The following THSD7B variants were observed in gnomAD, a reference collection of about 807,000 sequenced individuals.
THSD7B encodes the protein thrombospondin type-1 domain-containing protein 7B.
In THSD7B, 138 loss-of-function variants were observed where a neutral mutation model predicts 213.6. The observed-to-expected ratio is 0.65, with a 90% CI of 0.56 to 0.74. The LOEUF (loss-of-function observed/expected upper bound fraction) is 0.74. Among genes scored for constraint, THSD7B ranks in the 30% least tolerant of loss-of-function variants. The pLI is 0.00. For synonymous variants in THSD7B, 742 were observed against 687.0 expected, an observed-to-expected ratio of 1.08 and a Z score of -1.25; for missense variants, 1,931 against 1,991.5, an observed-to-expected ratio of 0.97 and a Z score of 0.58.
chr2:136,854,106 C>T, intron 1 of THSD7B, among the ~76,000 whole-genome samples: 1 of 152,134 alleles, frequency 6.6e-6, no homozygotes. Context: ...CATTTCAATA[C>T]CAGATCAGGT....
In THSD7B at chr2:137,107,628, C is replaced by A. The variant is rs1224968856; in HGVS notation, c.1200-7496C>A. 2.0e-5 allele frequency among the ~76,000 whole-genome samples: 3 copies of A among 152,246 alleles called. No homozygotes were observed. In the East Asian group the frequency reaches 5.8e-4, roughly 29 times the overall value. ...GATTTCAAAGAATCTGGAATTGTTT[C>A]AATAGAAGACTCTTGCTTTTTTATT... On this transcript the variant is annotated intron_variant, in intron 4 of 27. Transcript: ENST00000409968.
intron 12 of THSD7B, among the ~76,000 whole-genome samples, chr2:137,308,420 A>C (rs552765063): frequency 1.3e-4 from 19 of 151,980 alleles, no homozygotes; most frequent in South Asian, 8.4e-4. Flanking sequence ...GGGGCTTTAT[A>C]AGTGACGGAG....
At chr2:137,131,903 C>T (rs551980026) in intron 5 of THSD7B, among the ~76,000 whole-genome samples, 5 of 151,904 alleles carry the variant, frequency 3.3e-5, no homozygotes, top group African/African-American at 1.2e-4. Flanking sequence ...GTAGTTTTTT[C>T]CAATTCTGTG....
At chr2:136,847,146 C>G (rs1683024569) in intron 1 of THSD7B, among the ~76,000 whole-genome samples, 1 of 152,060 alleles carries the variant, frequency 6.6e-6, no homozygotes, top group Non-Finnish European at 1.5e-5. Flanking sequence ...GAATAAACGT[C>G]CGGAAAGGAA....
At chr2:137,244,320 T>A (rs970168059) in intron 10 of THSD7B, among the ~76,000 whole-genome samples, 1 of 152,216 alleles carries the variant, frequency 6.6e-6, no homozygotes, top group Non-Finnish European at 1.5e-5. Context: ...TAAATTGTTA[T>A]AAGAAGAGAC....
chr2:137,661,359 G>A (rs552373916), intron 25 of THSD7B, among the ~76,000 whole-genome samples: 1 of 151,946 alleles, frequency 6.6e-6, no homozygotes, highest in Non-Finnish European at 1.5e-5. Flanking sequence ...GGTGACACTC[G>A]AGTTATTACA....
intron 2 of THSD7B, among the ~76,000 whole-genome samples, chr2:136,996,713 T>G (rs1685897997): frequency 6.6e-6 from 1 of 152,152 alleles, no homozygotes; most frequent in Admixed American, 6.5e-5. Flanking sequence ...ATAAAATAAT[T>G]TAATTATTAA....
rs78202097 is a variant in THSD7B, at chr2:137,400,629, T to C, written c.2501-4984T>C. Among the ~76,000 whole-genome samples, 1,323 of 152,210 alleles carry C rather than the reference T, an allele frequency of 8.7e-3. 28 individuals carry two copies. The highest frequency in any genetic ancestry group is 0.031 in the African/African-American group (1,283 of 41,540). On this transcript the variant is annotated intron_variant, in intron 12 of 27. Transcript: ENST00000409968. ...GGGATGGCAGTGGTCATGAGAAGCTTTTCTTCTTCCTTATCACTGTGATTT... is the reference window on the plus strand; with the variant it reads ...GGGATGGCAGTGGTCATGAGAAGCTCTTCTTCTTCCTTATCACTGTGATTT...
chr2:137,590,000 G>A (rs1231750626), intron 17 of THSD7B, among the ~76,000 whole-genome samples: 2 of 150,080 alleles, frequency 1.3e-5, no homozygotes, highest in African/African-American at 5.0e-5. Context: ...GAAAATTTGA[G>A]TGAAATTATT....
At chr2:137,539,035 T>C (rs539125686) in intron 15 of THSD7B, among the ~76,000 whole-genome samples, 2 of 151,872 alleles carry the variant, frequency 1.3e-5, no homozygotes, top group Admixed American at 6.6e-5. Context: ...TAGTCTACTT[T>C]CTAGATTATA....
intron 2 of THSD7B, among the ~76,000 whole-genome samples, chr2:136,908,629 C>T (rs1211087564): frequency 1.3e-5 from 2 of 152,060 alleles, no homozygotes; most frequent in East Asian, 3.9e-4. Flanking sequence ...CACATATTTA[C>T]CAATAATACA....
chr2:137,172,800 C>T (rs12478043), intron 7 of THSD7B, among the ~76,000 whole-genome samples: 17,124 of 152,180 alleles, frequency 0.11, 1,126 homozygotes, highest in Admixed American at 0.15. Flanking sequence ...AGACCATAAC[C>T]TGTGGGATCT....
chr2:137,515,237 T>C (rs1012936161), intron 15 of THSD7B, among the ~76,000 whole-genome samples: 1 of 152,104 alleles, frequency 6.6e-6, no homozygotes. Flanking sequence ...GGTTAACTTT[T>C]TTTGCCAGAA....
chr2:137,482,187 CA>C (rs5834555), intron 15 of THSD7B, among the ~76,000 whole-genome samples: 84,679 of 132,514 alleles, frequency 0.64, 26,627 homozygotes, highest in East Asian at 0.75. Context: ...CCCTCCCCAC[CA>C]AAAAAAAAAA....
intron 1 of THSD7B, among the ~76,000 whole-genome samples, chr2:136,776,091 A>G (rs1253236243): frequency 6.6e-6 from 1 of 152,094 alleles, no homozygotes; most frequent in Non-Finnish European, 1.5e-5. Flanking sequence ...GAATTTTCAC[A>G]GAGTTTTTAT....
Position 137,411,764 on chromosome 2 carries a change from C to T in THSD7B, c.2851C>T (p.Arg951Trp), listed in dbSNP as rs564630499. The part of the protein sequence containing the change: ...EGRREPHRGL[R>W]VQADSKECGE... Reference sequence around the variant, plus strand: ...CAGAAGGGAGCCTCACCGAGGACTGCGGGTACAAGCAGACAGCAAAGAATG... The same window carrying T: ...CAGAAGGGAGCCTCACCGAGGACTGTGGGTACAAGCAGACAGCAAAGAATG... The change falls in exon 14 of 28, where the codon CGG (arginine) becomes TGG (tryptophan). Residue 951 changes from arginine (R) to tryptophan (W), a missense_variant. Coordinates refer to ENST00000409968, the MANE Select transcript of THSD7B (RefSeq NM_001316349.2). 49 of 1,613,866 alleles carry T rather than the reference C, an allele frequency of 3.0e-5. No homozygotes were observed. Among genetic ancestry groups the T allele is most frequent in the Middle Eastern group, 1.7e-4 (1 of 6,060 alleles).
At chr2:137,172,327 C>T (rs571773345) in intron 7 of THSD7B, among the ~76,000 whole-genome samples, 2 of 152,078 alleles carry the variant, frequency 1.3e-5, no homozygotes, top group African/African-American at 4.8e-5. Context: ...GAGATGATCA[C>T]CAGAAAGACC....
At chr2:136,936,532 G>A (rs1558859014) in intron 2 of THSD7B, among the ~76,000 whole-genome samples, 1 of 152,102 alleles carries the variant, frequency 6.6e-6, no homozygotes, top group Non-Finnish European at 1.5e-5. Flanking sequence ...AACCTGGATG[G>A]GATTGGAGAC....
intron 15 of THSD7B, 48 bp downstream of exon 15, chr2:137,451,071 T>A (rs749915109): frequency 1.4e-6 from 2 of 1,447,076 alleles, no homozygotes; most frequent in Non-Finnish European, 1.8e-6. Context: ...GCTATCCTCA[T>A]TATTATTTCC....
Sources: allele counts gnomAD v4.1 joint callset (sites outside exome capture counted in the v4.1 genomes callset), GRCh38; gene constraint gnomAD v4.1.1; transcripts MANE v1.5; gene names NCBI Gene and HGNC (gene_info 2026-07-23, HGNC 2026-07-21).